Variants in PRKG1 observed in about 807,000 individuals in gnomAD.
The protein encoded by PRKG1 is protein kinase cGMP-dependent 1, also known as cGMP-dependent protein kinase 1.
PRKG1 carries 35 observed loss-of-function variants against 88.1 expected under a neutral mutation model. That is an observed-to-expected ratio of 0.40 (90% CI 0.30 to 0.53). PRKG1 has a LOEUF of 0.53. Among genes scored for constraint, PRKG1 ranks in the 20% least tolerant of loss-of-function variants. The pLI is 0.59. For missense variants in PRKG1, 540 were observed against 839.8 expected (o/e 0.64, Z 4.41); for synonymous variants, 303 against 292.5 (o/e 1.04, Z -0.37).
chr10:51,077,623 G>A (rs944373822), intron 1 of PRKG1, among the ~76,000 whole-genome samples: 2 of 151,976 alleles, frequency 1.3e-5, no homozygotes, highest in East Asian at 3.9e-4. Flanking sequence ...TTTTTGGCTT[G>A]GAATTTTTCC....
intron 3 of PRKG1, among the ~76,000 whole-genome samples, chr10:51,737,744 A>AT (rs1564627481): frequency 9.6e-6 from 1 of 104,468 alleles, no homozygotes; most frequent in East Asian, 3.0e-4. Flanking sequence ...TTTATTAATT[A>AT]TTATTATTAT....
At chr10:51,242,158 T>A (rs1839172133) in intron 2 of PRKG1, among the ~76,000 whole-genome samples, 1 of 152,070 alleles carries the variant, frequency 6.6e-6, no homozygotes, top group African/African-American at 2.4e-5. Flanking sequence ...AATGAGCACA[T>A]ACAGGATAAA....
intron 3 of PRKG1, among the ~76,000 whole-genome samples, chr10:51,707,612 G>A (rs1002650683): frequency 6.6e-6 from 1 of 151,704 alleles, no homozygotes; most frequent in Non-Finnish European, 1.5e-5. Flanking sequence ...CCTGTGACCG[G>A]AACAATACAA....
intron 9 of PRKG1, among the ~76,000 whole-genome samples, chr10:52,199,526 T>A (rs1839602633): frequency 6.6e-6 from 1 of 152,200 alleles, no homozygotes; most frequent in South Asian, 2.1e-4. Flanking sequence ...TCCCAAAGAA[T>A]GTATTCACTA....
chr10:52,098,877 T>A (rs1454460270), intron 7 of PRKG1, among the ~76,000 whole-genome samples: 1 of 152,088 alleles, frequency 6.6e-6, no homozygotes, highest in African/African-American at 2.4e-5. Context: ...AACAAACCTA[T>A]GAGGGACTAT....
chr10:51,754,813 T>C (rs993214132), intron 3 of PRKG1, among the ~76,000 whole-genome samples: 3 of 152,158 alleles, frequency 2.0e-5, no homozygotes, highest in Non-Finnish European at 4.4e-5. Context: ...ACTGCAAGCA[T>C]AAGTCTTAAA....
At chr10:51,778,259 G>C (rs1218997875) in intron 3 of PRKG1, among the ~76,000 whole-genome samples, 2 of 152,158 alleles carry the variant, frequency 1.3e-5, no homozygotes, top group Non-Finnish European at 2.9e-5. Flanking sequence ...ACATTTTGGT[G>C]ATGTTTCTCC....
intron 2 of PRKG1, among the ~76,000 whole-genome samples, chr10:51,260,643 A>G (rs1422477835): frequency 6.6e-6 from 1 of 152,176 alleles, no homozygotes; most frequent in Non-Finnish European, 1.5e-5. Flanking sequence ...CTCTGCAGGG[A>G]GTGCTACTTT....
At chr10:51,122,548 T>C (rs551718958) in intron 1 of PRKG1, among the ~76,000 whole-genome samples, 1 of 152,312 alleles carries the variant, frequency 6.6e-6, no homozygotes, top group East Asian at 1.9e-4. Context: ...GAAACTGTAA[T>C]TTCCCAAGGA....
intron 2 of PRKG1, among the ~76,000 whole-genome samples, chr10:51,308,267 T>G (rs1358331262): frequency 2.0e-5 from 3 of 152,212 alleles, no homozygotes; most frequent in African/African-American, 7.2e-5. Flanking sequence ...CAGAGGTGCT[T>G]AAAGTGTTGA....
At chr10:51,853,791 T>C (rs1260534773) in intron 4 of PRKG1, among the ~76,000 whole-genome samples, 1 of 152,182 alleles carries the variant, frequency 6.6e-6, no homozygotes, top group African/African-American at 2.4e-5. Context: ...AAGGCTGATT[T>C]GGGAGAGAAG....
At chr10:52,218,314 A>G (rs1840163667) in intron 9 of PRKG1, among the ~76,000 whole-genome samples, 2 of 151,868 alleles carry the variant, frequency 1.3e-5, no homozygotes, top group South Asian at 4.2e-4. Flanking sequence ...GACATCCATC[A>G]AAGGGGCTGC....
At chr10:51,818,963 C>T (rs1349192255) in intron 4 of PRKG1, among the ~76,000 whole-genome samples, 4 of 83,326 alleles carry the variant, frequency 4.8e-5, no homozygotes, top group Non-Finnish European at 7.8e-5. Context: ...GCCGAGATCC[C>T]GCCACTGCAC....
intron 1 of PRKG1, among the ~76,000 whole-genome samples, chr10:51,048,725 G>A (rs1843521917): frequency 6.6e-6 from 1 of 152,178 alleles, no homozygotes; most frequent in African/African-American, 2.4e-5. Context: ...TTCCAAAAGA[G>A]AGTAATAATT....
chr10:51,476,169 A>G lies in PRKG1; in HGVS notation c.592+8333A>G, dbSNP rs149218329. ...AGATGAAAAGACATCCATATATCACAGTCATTGAGAAGGAAATGGGAAGTT... is the reference window on the plus strand; with the variant it reads ...AGATGAAAAGACATCCATATATCACGGTCATTGAGAAGGAAATGGGAAGTT... On this transcript the variant is annotated intron_variant, in intron 3 of 17. Coordinates refer to ENST00000373980, the MANE Select transcript of PRKG1 (RefSeq NM_006258.4). Among the ~76,000 whole-genome samples, 733 of 152,154 alleles carry G rather than the reference A, an allele frequency of 4.8e-3. 6 individuals carry two copies. Among genetic ancestry groups the G allele is most frequent in the African/African-American group, 0.017 (697 of 41,526 alleles).
chr10:51,878,045 G>C (rs1203229327), intron 4 of PRKG1, among the ~76,000 whole-genome samples: 2 of 151,996 alleles, frequency 1.3e-5, no homozygotes, highest in African/African-American at 4.8e-5. Flanking sequence ...TACTTCTCAG[G>C]ATAGCATATG....
chr10:51,172,601 T>C (rs1359326047), intron 2 of PRKG1, among the ~76,000 whole-genome samples: 2 of 104,982 alleles, frequency 1.9e-5, no homozygotes, highest in Non-Finnish European at 3.9e-5. Context: ...TATGTCTGTC[T>C]ATGTATGTAT....
intron 17 of PRKG1, among the ~76,000 whole-genome samples, chr10:52,292,306 CT>C (rs1439246484): frequency 6.6e-6 from 1 of 151,740 alleles, no homozygotes; most frequent in Non-Finnish European, 1.5e-5. Flanking sequence ...GTTGCCATTG[CT>C]TTTGGTGTTT....
At chr10:51,583,620 T>C (rs1251750473) in intron 3 of PRKG1, among the ~76,000 whole-genome samples, 1 of 152,110 alleles carries the variant, frequency 6.6e-6, no homozygotes, top group Non-Finnish European at 1.5e-5. Context: ...TAGAATATAG[T>C]GCAGAGAGTA....
Sources: gnomAD v4.1 joint callset for allele counts (sites outside exome capture counted in the v4.1 genomes callset) on GRCh38, gnomAD v4.1.1 for gene constraint, MANE v1.5 for transcripts, NCBI Gene and HGNC (gene_info 2026-07-23, HGNC 2026-07-21) for gene names.